The following RBFOX1 variants were observed in gnomAD, a reference collection of about 807,000 sequenced individuals.
RBFOX1 encodes RNA binding fox-1 homolog 1.
RBFOX1 carries 8 observed loss-of-function variants against 57.7 expected under a neutral mutation model. That is an observed-to-expected ratio of 0.14 (90% CI 0.08 to 0.25). The LOEUF (loss-of-function observed/expected upper bound fraction) is 0.25, where lower values mean the gene tolerates loss of function less well. Ranked by LOEUF, RBFOX1 falls within the 10% of genes least tolerant of loss-of-function variation. The pLI is 1.00. For synonymous variants in RBFOX1, 326 were observed against 222.4 expected (o/e 1.47, Z -4.15); for missense variants, 611 against 548.5 (o/e 1.11, Z -1.14).
intron 2 of RBFOX1, among the ~76,000 whole-genome samples, chr16:5,513,117 G>A (rs1261200016): frequency 6.6e-6 from 1 of 152,136 alleles, no homozygotes; most frequent in African/African-American, 2.4e-5. Flanking sequence ...ATGTTACTAT[G>A]CTGTCCAGGC....
chr16:5,718,012 G>A (rs1250520721), intron 3 of RBFOX1, among the ~76,000 whole-genome samples: 1 of 152,216 alleles, frequency 6.6e-6, no homozygotes, highest in Non-Finnish European at 1.5e-5. Context: ...ACCTCATGAT[G>A]AGCAGAGTGG....
intron 3 of RBFOX1, among the ~76,000 whole-genome samples, chr16:6,971,242 A>T (rs1242509472): frequency 1.3e-5 from 2 of 152,170 alleles, no homozygotes; most frequent in Non-Finnish European, 2.9e-5. Context: ...CTGAATTGTT[A>T]TGGGGATGGG....
At chr16:7,424,818 T>A (rs1199704218) in intron 4 of RBFOX1, among the ~76,000 whole-genome samples, 1 of 152,178 alleles carries the variant, frequency 6.6e-6, no homozygotes, top group Non-Finnish European at 1.5e-5. Context: ...TTTCTAGTTA[T>A]TTTTTCTTCA....
chr16:7,198,984 A>G (rs1317898846), intron 4 of RBFOX1, among the ~76,000 whole-genome samples: 3 of 152,200 alleles, frequency 2.0e-5, no homozygotes, highest in Non-Finnish European at 4.4e-5. Context: ...AATGGTGTCC[A>G]TCTGGGAAAG....
intron 2 of RBFOX1, among the ~76,000 whole-genome samples, chr16:6,387,487 C>A (rs553676573): frequency 4.5e-4 from 56 of 125,040 alleles, no homozygotes; most frequent in Non-Finnish European, 7.8e-4. Flanking sequence ...AAAAAAAAAA[C>A]CTTTTGAAGA....
At chr16:6,981,495 G>T (rs373701157) in intron 3 of RBFOX1, among the ~76,000 whole-genome samples, 4 of 152,230 alleles carry the variant, frequency 2.6e-5, no homozygotes, top group African/African-American at 9.6e-5. Context: ...CAGTGTATTA[G>T]TCTGTTCTCA....
intron 3 of RBFOX1, among the ~76,000 whole-genome samples, chr16:6,703,698 C>G (rs771733975): frequency 2.0e-5 from 3 of 151,956 alleles, no homozygotes; most frequent in Non-Finnish European, 4.4e-5. Context: ...CACAGTTAGA[C>G]CCAGTTTCAA....
chr16:6,896,681 G>T (rs2067000245), intron 3 of RBFOX1, among the ~76,000 whole-genome samples: 1 of 152,176 alleles, frequency 6.6e-6, no homozygotes, highest in African/African-American at 2.4e-5. Flanking sequence ...CCATATAAGT[G>T]CTGCTGTGGT....
chr16:6,952,898 C>T (rs1012592382), intron 3 of RBFOX1, among the ~76,000 whole-genome samples: 2 of 151,978 alleles, frequency 1.3e-5, no homozygotes, highest in African/African-American at 4.8e-5. Flanking sequence ...GGGCTTGAAC[C>T]CAGGTGGTGG....
intron 2 of RBFOX1, among the ~76,000 whole-genome samples, chr16:6,434,764 G>C (rs907414541): frequency 6.6e-6 from 1 of 152,154 alleles, no homozygotes; most frequent in Non-Finnish European, 1.5e-5. Context: ...CTGTTTATAA[G>C]TATTTTATAT....
At chr16:5,443,282 T>A (rs910677369) in intron 1 of RBFOX1, among the ~76,000 whole-genome samples, 1 of 152,194 alleles carries the variant, frequency 6.6e-6, no homozygotes, top group Admixed American at 6.5e-5. Context: ...GTCACCTGAC[T>A]AGGAAATCAT....
intron 3 of RBFOX1, among the ~76,000 whole-genome samples, chr16:6,702,410 C>G (rs1049159093): frequency 2.6e-5 from 4 of 152,238 alleles, no homozygotes; most frequent in Admixed American, 1.3e-4. Context: ...AAAAATCTGC[C>G]TGGCGTGCTG....
intron 4 of RBFOX1, among the ~76,000 whole-genome samples, chr16:7,348,157 C>G (rs771094110): frequency 8.5e-5 from 13 of 152,132 alleles, no homozygotes; most frequent in Non-Finnish European, 1.8e-4. Flanking sequence ...TTTTCAGAAA[C>G]AAAAAGCACA....
chr16:7,045,572 T>C (rs569152902), intron 3 of RBFOX1, among the ~76,000 whole-genome samples: 2 of 152,314 alleles, frequency 1.3e-5, no homozygotes, highest in East Asian at 3.9e-4. Context: ...TCCTTCAGTG[T>C]CGTCATTGTG....
chr16:7,696,566 C>G (rs1240618939), intron 14 of RBFOX1, among the ~76,000 whole-genome samples: 27 of 147,742 alleles, frequency 1.8e-4, no homozygotes, highest in Non-Finnish European at 1.5e-5. Flanking sequence ...ATTAATATCT[C>G]TAGTCCTTTG....
At chr16:7,225,095 G>A (rs1056329568) in intron 4 of RBFOX1, among the ~76,000 whole-genome samples, 6 of 152,260 alleles carry the variant, frequency 3.9e-5, no homozygotes, top group Middle Eastern at 3.4e-3. Flanking sequence ...CCAATATCAG[G>A]TGTTCCAAAA....
In RBFOX1 at chr16:6,390,987, G is replaced by A. The variant is rs565831967; in HGVS notation, c.-64+73930G>A. The stretch of plus-strand genomic sequence containing the variant: ...TGCTCTTTGGTGAGGGCTGTCCTGT[G>A]TATAGTAAGATGTTCAGCAGCCTCT... On this transcript the variant is annotated intron_variant, in intron 2 of 15. Transcript: ENST00000550418. Among the ~76,000 whole-genome samples, 6 of 152,220 alleles carry A rather than the reference G, an allele frequency of 3.9e-5. No individual in the cohort carries two copies. In the East Asian group the frequency reaches 7.7e-4, roughly 20 times the overall value.
intron 2 of RBFOX1, among the ~76,000 whole-genome samples, chr16:6,461,884 A>G (rs192990494): frequency 1.2e-4 from 18 of 152,330 alleles, no homozygotes; most frequent in Admixed American, 7.8e-4. Context: ...TGTTCAGTAC[A>G]TTTAATTATG....
chr16:6,830,527 G>C (rs1603629928), intron 3 of RBFOX1, among the ~76,000 whole-genome samples: 1 of 152,240 alleles, frequency 6.6e-6, no homozygotes, highest in African/African-American at 2.4e-5. Flanking sequence ...GTTCCCCCAG[G>C]GGACAGCTGG....
Sources: gnomAD v4.1 joint callset for allele counts (sites outside exome capture counted in the v4.1 genomes callset) on GRCh38, gnomAD v4.1.1 for gene constraint, MANE v1.5 for transcripts, NCBI Gene and HGNC (gene_info 2026-07-23, HGNC 2026-07-21) for gene names.